The following RGS6 variants were observed in gnomAD, a reference collection of about 807,000 sequenced individuals.
RGS6 encodes regulator of G protein signaling 6, also known as regulator of G-protein signaling 6.
In RGS6, 30 loss-of-function variants were observed where a neutral mutation model predicts 78.5. The observed-to-expected ratio is 0.38, with a 90% CI of 0.29 to 0.52. RGS6 has a LOEUF of 0.52. Ranked by LOEUF, RGS6 falls within the 20% of genes least tolerant of loss-of-function variation. The pLI is 0.85. For synonymous variants in RGS6, 206 were observed against 206.0 expected, an observed-to-expected ratio of 1.00 and a Z score of 0.00; for missense variants, 495 against 609.7, an observed-to-expected ratio of 0.81 and a Z score of 1.98.
At chr14:72,315,428 T>A (rs1188670961) in intron 2 of RGS6, among the ~76,000 whole-genome samples, 1 of 152,254 alleles carries the variant, frequency 6.6e-6, no homozygotes, top group Non-Finnish European at 1.5e-5. Context: ...ACCTGCTACA[T>A]GTTTAGTCAG....
At chr14:72,540,456 C>A in intron 17 of RGS6, 1 of 1,516,080 alleles carries the variant, frequency 6.6e-7, no homozygotes, top group East Asian at 2.4e-5. Context: ...CGAACTATAC[C>A]GTGAAATAAA....
At chr14:72,309,569 C>T (rs144247605) in intron 2 of RGS6, among the ~76,000 whole-genome samples, 25 of 152,184 alleles carry the variant, frequency 1.6e-4, no homozygotes, top group Admixed American at 8.5e-4. Context: ...AGAAAACTTT[C>T]CTTTACCTAA....
intron 2 of RGS6, among the ~76,000 whole-genome samples, chr14:72,067,545 A>C (rs1302435702): frequency 6.9e-6 from 1 of 144,644 alleles, no homozygotes; most frequent in Non-Finnish European, 1.5e-5. Context: ...TTAGTGCGGC[A>C]CTTTTTAATC....
At chr14:72,507,279 A>T (rs1176673689) in intron 13 of RGS6, among the ~76,000 whole-genome samples, 1 of 152,190 alleles carries the variant, frequency 6.6e-6, no homozygotes, top group Non-Finnish European at 1.5e-5. Flanking sequence ...CAAGCTGAAG[A>T]ATGCCAACAT....
At chr14:71,871,197 A>G in the RGS6 span, among the ~76,000 whole-genome samples, 1 of 152,142 alleles carries the variant, frequency 6.6e-6, no homozygotes, top group East Asian at 1.9e-4. Context: ...TGGTGAGTTC[A>G]GGGTAGTTTG....
chr14:72,055,543 T>G (rs1277865953), intron 2 of RGS6, among the ~76,000 whole-genome samples: 1 of 152,118 alleles, frequency 6.6e-6, no homozygotes, highest in East Asian at 1.9e-4. Flanking sequence ...TATGAAAACC[T>G]TGCCTCTGCA....
At chr14:72,105,197 CA>C (rs2095609006) in intron 2 of RGS6, among the ~76,000 whole-genome samples, 2 of 152,184 alleles carry the variant, frequency 1.3e-5, no homozygotes, top group African/African-American at 4.8e-5. Context: ...AGATGCAACT[CA>C]CAGATGATGA....
intron 2 of RGS6, among the ~76,000 whole-genome samples, chr14:72,252,610 C>CA (rs1220442262): frequency 6.6e-6 from 1 of 152,108 alleles, no homozygotes; most frequent in East Asian, 1.9e-4. Flanking sequence ...ACAATTTTCT[C>CA]AAAATTACCT....
At chr14:72,177,544 A>G (rs2097122367) in intron 2 of RGS6, among the ~76,000 whole-genome samples, 1 of 152,216 alleles carries the variant, frequency 6.6e-6, no homozygotes, top group South Asian at 2.1e-4. Context: ...GGGAATAATG[A>G]TTAAAAGGAA....
chr14:72,555,114 TG>T (rs764528423), intron 17 of RGS6, among the ~76,000 whole-genome samples: 13 of 152,128 alleles, frequency 8.5e-5, no homozygotes, highest in Non-Finnish European at 2.9e-5. Context: ...TGATTTAAAG[TG>T]GGGTTGGTTT....
At chr14:71,883,296 A>G in the RGS6 span, among the ~76,000 whole-genome samples, 3 of 152,146 alleles carry the variant, frequency 2.0e-5, no homozygotes, top group African/African-American at 2.4e-5. Context: ...ACCTCTGTGC[A>G]CCCACTGTAA....
chr14:72,246,833 G>A (rs1342478083), intron 2 of RGS6, among the ~76,000 whole-genome samples: 1 of 151,740 alleles, frequency 6.6e-6, no homozygotes, highest in East Asian at 1.9e-4. Context: ...TTGAACCTGA[G>A]AGGTGGAGCT....
At chr14:72,383,134 A>G (rs1250646231) in intron 3 of RGS6, among the ~76,000 whole-genome samples, 1 of 147,292 alleles carries the variant, frequency 6.8e-6, no homozygotes, top group Admixed American at 6.8e-5. Context: ...GTTTACAGTT[A>G]TATAAACATA....
At chr14:71,992,411 A>G (rs1489751497) in intron 2 of RGS6, among the ~76,000 whole-genome samples, 1 of 152,134 alleles carries the variant, frequency 6.6e-6, no homozygotes, top group East Asian at 1.9e-4. Flanking sequence ...AGTAATAGCT[A>G]ATGTTGTTTG....
intron 17 of RGS6, chr14:72,550,469 T>C (rs2097489120): frequency 6.5e-7 from 1 of 1,535,546 alleles, no homozygotes; most frequent in African/African-American, 1.4e-5. Flanking sequence ...AGACAGACTG[T>C]CAAGCAAGGA....
intron 3 of RGS6, among the ~76,000 whole-genome samples, chr14:72,384,679 G>A (rs1188936555): frequency 6.6e-6 from 1 of 152,134 alleles, no homozygotes; most frequent in African/African-American, 2.4e-5. Flanking sequence ...AAACAGCTAA[G>A]GACCAAGCAC....
intron 2 of RGS6, among the ~76,000 whole-genome samples, chr14:72,125,077 G>T (rs1298771683): frequency 6.6e-6 from 1 of 152,172 alleles, no homozygotes; most frequent in African/African-American, 2.4e-5. Flanking sequence ...GACTCCAGAT[G>T]CTTGTAATAG....
intron 3 of RGS6, among the ~76,000 whole-genome samples, chr14:72,419,060 C>T (rs561674799): frequency 6.6e-6 from 1 of 152,334 alleles, no homozygotes; most frequent in East Asian, 1.9e-4. Context: ...CAGCCTTCTA[C>T]AGTGGATGCC....
chr14:71,996,842 G>A (rs2095224810), intron 2 of RGS6, among the ~76,000 whole-genome samples: 1 of 152,136 alleles, frequency 6.6e-6, no homozygotes, highest in African/African-American at 2.4e-5. Context: ...GGAGGGAGGA[G>A]CATGTGCTCC....
Sources: allele counts gnomAD v4.1 joint callset (sites outside exome capture counted in the v4.1 genomes callset), GRCh38; gene constraint gnomAD v4.1.1; transcripts MANE v1.5; gene names NCBI Gene and HGNC (gene_info 2026-07-23, HGNC 2026-07-21).